The following XPR1 variants were observed in gnomAD, a reference collection of about 807,000 sequenced individuals.
XPR1 encodes the protein solute carrier family 53 member 1.
Under a neutral mutation model 87.5 loss-of-function variants are expected in XPR1, and 28 were observed. The observed-to-expected ratio is 0.32, with a 90% CI of 0.24 to 0.44. The LOEUF (loss-of-function observed/expected upper bound fraction) is 0.44. XPR1 is among the 20% of genes least tolerant of loss of function. The pLI is 1.00. For synonymous variants in XPR1, 300 were observed against 306.1 expected, an observed-to-expected ratio of 0.98 and a Z score of 0.21; for missense variants, 559 against 862.3, an observed-to-expected ratio of 0.65 and a Z score of 4.41.
chr1:180,735,352 A>G (rs1317606528), intron 2 of XPR1, among the ~76,000 whole-genome samples: 1 of 152,246 alleles, frequency 6.6e-6, no homozygotes, highest in Non-Finnish European at 1.5e-5. Flanking sequence ...AATTAATTCC[A>G]TGAAATGACA....
At chr1:180,697,689 A>G (rs1657215193) in intron 2 of XPR1, among the ~76,000 whole-genome samples, 1 of 151,828 alleles carries the variant, frequency 6.6e-6, no homozygotes, top group African/African-American at 2.4e-5. Flanking sequence ...TTTTCTTTTT[A>G]ATTTCTGTAT....
At chr1:180,835,093 A>ATTT in intron 10 of XPR1, 48 bp downstream of exon 10, 1 of 1,574,432 alleles carries the variant, frequency 6.4e-7, no homozygotes. Flanking sequence ...GGTGTAAACC[A>ATTT]AGATATATTG....
chr1:180,707,502 C>G (rs1657597939), intron 2 of XPR1, among the ~76,000 whole-genome samples: 1 of 152,154 alleles, frequency 6.6e-6, no homozygotes, highest in African/African-American at 2.4e-5. Context: ...TCCCTGCTGT[C>G]CTTTGGACTT....
chr1:180,809,110 A>G (rs1650111173), intron 6 of XPR1, among the ~76,000 whole-genome samples: 1 of 152,210 alleles, frequency 6.6e-6, no homozygotes, highest in Non-Finnish European at 1.5e-5. Flanking sequence ...AAATGTAACA[A>G]TGTGGATAAA....
At chr1:180,764,693 C>A (rs1648202514) in intron 2 of XPR1, among the ~76,000 whole-genome samples, 1 of 151,930 alleles carries the variant, frequency 6.6e-6, no homozygotes, top group Non-Finnish European at 1.5e-5. Flanking sequence ...TGGTCTTAAA[C>A]TCCTGAGCTC....
chr1:180,857,456 CA>C (rs1652074380), intron 11 of XPR1, among the ~76,000 whole-genome samples: 1 of 152,126 alleles, frequency 6.6e-6, no homozygotes, highest in Non-Finnish European at 1.5e-5. Context: ...TAATATCTGG[CA>C]TGTGCAGGTA....
At chr1:180,713,785 A>C (rs1657886429) in intron 2 of XPR1, among the ~76,000 whole-genome samples, 1 of 152,212 alleles carries the variant, frequency 6.6e-6, no homozygotes, top group South Asian at 2.1e-4. Context: ...AAATTGTATT[A>C]GAATTTTTAC....
intron 1 of XPR1, among the ~76,000 whole-genome samples, chr1:180,644,404 C>CT (rs369513320): frequency 0.13 from 17,292 of 133,348 alleles, 1,082 homozygotes; most frequent in African/African-American, 0.16. Context: ...TTCTGATTTA[C>CT]TTTTTTTTTT....
intron 3 of XPR1, among the ~76,000 whole-genome samples, chr1:180,797,245 TTCAG>T (rs1273064949): frequency 2.0e-5 from 3 of 152,200 alleles, no homozygotes. Flanking sequence ...ACCTTTAGAG[TTCAG>T]TCAGTCAGTG....
chr1:180,791,343 C>T (rs1450032998), intron 3 of XPR1, among the ~76,000 whole-genome samples: 1 of 152,166 alleles, frequency 6.6e-6, no homozygotes, highest in Non-Finnish European at 1.5e-5. Context: ...ATGATCTCGG[C>T]TCACTGCAAC....
Position 180,787,737 on chromosome 1 carries a change from T to C in XPR1, c.122-16T>C. ...CTTTGGACATTAAATTTAAATATTG[T>C]TTTCCTGTCTTTCAGTTACAGATGA... is the stretch of plus-strand genomic sequence containing the variant. On this transcript the variant is annotated splice_polypyrimidine_tract_variant and intron_variant, in intron 2 of 14. Coordinates refer to ENST00000367590, the MANE Select transcript of XPR1 (RefSeq NM_004736.4). The C allele has an allele frequency of 6.5e-7, 1 of 1,543,652 alleles. No individual in the cohort carries two copies. Among genetic ancestry groups the C allele is most frequent in the Non-Finnish European group, 8.8e-7 (1 of 1,138,966 alleles).
intron 2 of XPR1, among the ~76,000 whole-genome samples, chr1:180,692,082 A>C (rs775370891): frequency 5.3e-5 from 8 of 152,156 alleles, no homozygotes; most frequent in Non-Finnish European, 1.2e-4. Flanking sequence ...CCTAGCTATA[A>C]AACAGTTTGA....
chr1:180,831,369 T>TTTTC (rs1558029922), intron 9 of XPR1, among the ~76,000 whole-genome samples: 2 of 149,492 alleles, frequency 1.3e-5, no homozygotes, highest in Non-Finnish European at 3.0e-5. Context: ...TTTCTTTTTT[T>TTTTC]TTTTTTTTTT....
intron 9 of XPR1, among the ~76,000 whole-genome samples, chr1:180,827,142 A>G (rs931700331): frequency 3.9e-5 from 5 of 126,924 alleles, no homozygotes; most frequent in African/African-American, 1.6e-4. Flanking sequence ...CGACAGAGTG[A>G]GACTCCTTCT....
chr1:180,726,309 C>T (rs928879931), intron 2 of XPR1, among the ~76,000 whole-genome samples: 6 of 152,168 alleles, frequency 3.9e-5, no homozygotes, highest in Admixed American at 1.3e-4. Flanking sequence ...CAGCCAGCAG[C>T]GCAACCTGCT....
At chr1:180,860,828 G>A (rs942874757) in intron 11 of XPR1, among the ~76,000 whole-genome samples, 1 of 151,778 alleles carries the variant, frequency 6.6e-6, no homozygotes, top group Non-Finnish European at 1.5e-5. Flanking sequence ...AAATAACATG[G>A]GCTTGCAAGA....
chr1:180,682,016 T>C (rs1481219343), intron 1 of XPR1, among the ~76,000 whole-genome samples: 2 of 152,230 alleles, frequency 1.3e-5, no homozygotes, highest in African/African-American at 4.8e-5. Context: ...TAGTTTCTTA[T>C]GCAGTCTACT....
chr1:180,638,850 AC>A (rs2101893464), intron 1 of XPR1, among the ~76,000 whole-genome samples: 1 of 152,252 alleles, frequency 6.6e-6, no homozygotes, highest in Non-Finnish European at 1.5e-5. Context: ...TAAATCTTGT[AC>A]TACTTTATAC....
At chr1:180,819,328 T>C (rs567172331) in intron 7 of XPR1, among the ~76,000 whole-genome samples, 4 of 152,358 alleles carry the variant, frequency 2.6e-5, no homozygotes, top group African/African-American at 9.6e-5. Flanking sequence ...AATATATCTT[T>C]AGCATTTATT....
Sources: gnomAD v4.1 joint callset for allele counts (sites outside exome capture counted in the v4.1 genomes callset) on GRCh38, gnomAD v4.1.1 for gene constraint, MANE v1.5 for transcripts, NCBI Gene and HGNC (gene_info 2026-07-23, HGNC 2026-07-21) for gene names.